The following UNC5D variants were observed in gnomAD, a reference collection of about 807,000 sequenced individuals.
UNC5D encodes unc-5 netrin receptor D.
UNC5D carries 39 observed loss-of-function variants against 105.4 expected under a neutral mutation model. The observed-to-expected ratio is 0.37, with a 90% CI of 0.29 to 0.48. UNC5D has a LOEUF of 0.48. Ranked by LOEUF, UNC5D falls within the 20% of genes least tolerant of loss-of-function variation. The pLI is 0.98. For missense variants in UNC5D, 991 were observed against 1,202.4 expected, an observed-to-expected ratio of 0.82 and a Z score of 2.60; for synonymous variants, 452 against 450.4, an observed-to-expected ratio of 1.00 and a Z score of -0.04.
intron 1 of UNC5D, among the ~76,000 whole-genome samples, chr8:35,427,693 C>T (rs566536747): frequency 8.6e-4 from 131 of 152,226 alleles, no homozygotes; most frequent in African/African-American, 3.0e-3. Context: ...TCCTGTAATC[C>T]CTGTCCTTTC....
chr8:35,622,728 A>C (rs1486159178), intron 4 of UNC5D, among the ~76,000 whole-genome samples: 1 of 152,164 alleles, frequency 6.6e-6, no homozygotes, highest in Non-Finnish European at 1.5e-5. Context: ...GTGTGGAAAA[A>C]TAGTTCTGCT....
At chr8:35,676,201 A>G (rs1201735108) in intron 4 of UNC5D, among the ~76,000 whole-genome samples, 1 of 152,186 alleles carries the variant, frequency 6.6e-6, no homozygotes, top group East Asian at 1.9e-4. Flanking sequence ...CTGCTTTTCC[A>G]GATTTGTTTA....
chr8:35,253,081 T>A (rs2128813290), intron 1 of UNC5D, among the ~76,000 whole-genome samples: 1 of 152,112 alleles, frequency 6.6e-6, no homozygotes, highest in Admixed American at 6.6e-5. Flanking sequence ...TTATAGGAGT[T>A]TTGAGAGAGT....
intron 1 of UNC5D, among the ~76,000 whole-genome samples, chr8:35,495,898 G>A (rs1030808032): frequency 6.6e-6 from 1 of 152,168 alleles, no homozygotes; most frequent in African/African-American, 2.4e-5. Context: ...AAGTACCAGT[G>A]TAAGTTCTAA....
chr8:35,551,021 A>G (rs958223809), intron 2 of UNC5D, among the ~76,000 whole-genome samples: 1 of 152,202 alleles, frequency 6.6e-6, no homozygotes, highest in East Asian at 1.9e-4. Flanking sequence ...GCCTCAAATA[A>G]GAGTGTGGAG....
At chr8:35,586,906 T>A (rs557668414) in intron 3 of UNC5D, among the ~76,000 whole-genome samples, 2 of 152,332 alleles carry the variant, frequency 1.3e-5, no homozygotes, top group South Asian at 4.1e-4. Flanking sequence ...GGAATTGAAT[T>A]TTTATTGATT....
At position 35,682,027 on chromosome 8, in the gene UNC5D, C is replaced by T. The variant is rs1306728705; in HGVS notation, c.571-1520C>T. On this transcript the variant is annotated intron_variant, in intron 4 of 16. Transcript: ENST00000404895. ...TCGCCCAGGCTGGAGTGCAGTGGCGCGATCTCAGCTCACTGTAACCTCTGC... is the reference window on the plus strand; with the variant it reads ...TCGCCCAGGCTGGAGTGCAGTGGCGTGATCTCAGCTCACTGTAACCTCTGC... 3.3e-5 allele frequency among the ~76,000 whole-genome samples: 5 copies of T among 152,122 alleles called. No individual in the cohort carries two copies. The South Asian group carries it at 6.2e-4, about 19-fold the overall frequency.
intron 3 of UNC5D, among the ~76,000 whole-genome samples, chr8:35,575,217 C>A (rs577894074): frequency 9.9e-5 from 15 of 152,156 alleles, no homozygotes; most frequent in African/African-American, 3.6e-4. Flanking sequence ...CTTGAGGATT[C>A]AACCTGCATT....
At chr8:35,428,880 T>C (rs77041902) in intron 1 of UNC5D, among the ~76,000 whole-genome samples, 2,160 of 152,154 alleles carry the variant, frequency 0.014, 60 homozygotes, top group African/African-American at 0.049. Flanking sequence ...AAAGGCTTTA[T>C]TGACTTTAAA....
intron 1 of UNC5D, among the ~76,000 whole-genome samples, chr8:35,350,345 A>C (rs28412900): frequency 6.6e-6 from 1 of 151,762 alleles, no homozygotes; most frequent in African/African-American, 2.4e-5. Flanking sequence ...AGGCAATTAC[A>C]GCAATCTGAC....
chr8:35,443,738 T>C (rs554967595), intron 1 of UNC5D, among the ~76,000 whole-genome samples: 29 of 152,114 alleles, frequency 1.9e-4, no homozygotes, highest in African/African-American at 7.0e-4. Context: ...ACTCATTTTA[T>C]TGAGGTCTGA....
At chr8:35,706,821 C>A (rs1259089297) in intron 8 of UNC5D, among the ~76,000 whole-genome samples, 1 of 152,110 alleles carries the variant, frequency 6.6e-6, no homozygotes, top group African/African-American at 2.4e-5. Context: ...CACCTCAGAA[C>A]AGAACAAATA....
chr8:35,660,795 C>A (rs532477368), intron 4 of UNC5D, among the ~76,000 whole-genome samples: 6 of 152,310 alleles, frequency 3.9e-5, no homozygotes, highest in African/African-American at 1.4e-4. Context: ...CAATGCCCAA[C>A]TCTACTGGGT....
intron 4 of UNC5D, among the ~76,000 whole-genome samples, chr8:35,639,104 G>T (rs572649055): frequency 6.6e-6 from 1 of 152,134 alleles, no homozygotes; most frequent in Non-Finnish European, 1.5e-5. Flanking sequence ...AATATTGTTC[G>T]GATATGATTG....
intron 1 of UNC5D, among the ~76,000 whole-genome samples, chr8:35,380,860 A>G (rs973243554): frequency 2.3e-4 from 35 of 152,212 alleles, no homozygotes; most frequent in African/African-American, 8.2e-4. Flanking sequence ...AAGGGAAATG[A>G]AGCCTTGAAG....
chr8:35,694,573 C>G (rs556994231), intron 7 of UNC5D, among the ~76,000 whole-genome samples: 1 of 152,244 alleles, frequency 6.6e-6, no homozygotes, highest in African/African-American at 2.4e-5. Context: ...ATTTGCTTAT[C>G]TATAAAACAA....
At chr8:35,677,945 T>C (rs1399269406) in intron 4 of UNC5D, among the ~76,000 whole-genome samples, 1 of 150,822 alleles carries the variant, frequency 6.6e-6, no homozygotes, top group African/African-American at 2.4e-5. Flanking sequence ...TATATGTGTG[T>C]ATGTGTATAT....
chr8:35,776,527 C>G (rs149540654), intron 16 of UNC5D, among the ~76,000 whole-genome samples: 65 of 152,264 alleles, frequency 4.3e-4, no homozygotes, highest in African/African-American at 1.5e-3. Flanking sequence ...CCTTTTGTAT[C>G]TGAGCACTAA....
chr8:35,704,888 T>G (rs138787384), intron 7 of UNC5D, among the ~76,000 whole-genome samples: 2 of 151,122 alleles, frequency 1.3e-5, no homozygotes, highest in Admixed American at 6.6e-5. Context: ...CAGGAGACAA[T>G]GAATGGGGGA....
Sources: allele counts gnomAD v4.1 joint callset (sites outside exome capture counted in the v4.1 genomes callset), GRCh38; gene constraint gnomAD v4.1.1; transcripts MANE v1.5; gene names NCBI Gene and HGNC (gene_info 2026-07-23, HGNC 2026-07-21).